ZNF668: variants seen among roughly 807,000 people sequenced by gnomAD.
ZNF668 encodes zinc finger protein 668.
In ZNF668, 10 loss-of-function variants were observed where a neutral mutation model predicts 40.3. The ratio of observed to expected loss-of-function variants is 0.25; its 90% CI spans 0.15 to 0.42. The LOEUF (loss-of-function observed/expected upper bound fraction) is 0.42, where lower values mean the gene tolerates loss of function less well. ZNF668 is among the 10% of genes least tolerant of loss of function. The pLI, the probability that ZNF668 is intolerant of heterozygous loss-of-function variation, is 1.00. For missense variants in ZNF668, 749 were observed against 904.6 expected, an observed-to-expected ratio of 0.83 and a Z score of 2.21; for synonymous variants, 428 against 384.6, an observed-to-expected ratio of 1.11 and a Z score of -1.32.
At chr16:31,065,330 A>T (rs1477223465) in intron 1 of ZNF668, among the ~76,000 whole-genome samples, 1 of 152,218 alleles carries the variant, frequency 6.6e-6, no homozygotes, top group Non-Finnish European at 1.5e-5. Flanking sequence ...AGGAAACAGG[A>T]TTAATGGCTG....
intron 2 of ZNF668, 70 bp from the exon 3 acceptor site, chr16:31,062,350 T>C: frequency 2.0e-6 from 3 of 1,515,408 alleles, no homozygotes; most frequent in Non-Finnish European, 2.6e-6. Context: ...CTGTCTGGGC[T>C]GTACTTTAGG....
chr16:31,061,824 C>T lies in ZNF668; in HGVS notation c.1104G>A (p.Glu368=), dbSNP rs928252058. The change falls in exon 3 of 3, where the codon GAG becomes GAA. Residue 368 remains glutamate, a synonymous_variant. Transcript: ENST00000300849. This position sits in a 1 kb window ranked among gnomAD's most constrained non-coding sequence, Gnocchi z 7.7. ...HSGQRPFRCE[E]CGRAFAERAS... The stretch of plus-strand genomic sequence containing the variant: ...CACGCTCGGCGAAGGCTCGCCCGCA[C>T]TCCTCACAGCGGAAGGGCCGCTGGC... The T allele has an allele frequency of 6.2e-7, 1 of 1,612,764 alleles. No individual in the cohort carries two copies. The highest frequency in any genetic ancestry group is 8.5e-7 in the Non-Finnish European group (1 of 1,179,778).
At chr16:31,069,972 C>T (rs1035270937) in intron 1 of ZNF668, among the ~76,000 whole-genome samples, 26 of 152,112 alleles carry the variant, frequency 1.7e-4, no homozygotes, top group African/African-American at 6.3e-4. Flanking sequence ...GACAGGGTCT[C>T]ACTGTGTTAG....
intron 1 of ZNF668, among the ~76,000 whole-genome samples, chr16:31,069,523 T>TAA (rs1408218509): frequency 6.6e-6 from 1 of 152,104 alleles, no homozygotes; most frequent in Admixed American, 6.6e-5. Context: ...CAAAAAGAGC[T>TAA]TTCTTGACCA....
chr16:31,062,648 C>T (rs565511117), intron 2 of ZNF668: 8 of 175,364 alleles, frequency 4.6e-5, no homozygotes, highest in Admixed American at 5.8e-5. Flanking sequence ...CATGTAGTCC[C>T]AGCTACTCGG....
At chr16:31,070,294 G>A (rs978905955) in intron 1 of ZNF668, among the ~76,000 whole-genome samples, 25 of 150,976 alleles carry the variant, frequency 1.7e-4, no homozygotes, top group Admixed American at 1.7e-3. Context: ...TGCAACCTCC[G>A]CCTCCCGGGT....
chr16:31,066,375 G>A, intron 1 of ZNF668: 1 of 985,266 alleles, frequency 1.0e-6, no homozygotes, highest in Non-Finnish European at 1.2e-6. Flanking sequence ...ATTCTCACTT[G>A]GTTATTTCAC....
At chr16:31,072,775 C>A (rs970842309) in intron 1 of ZNF668, 1 of 152,418 alleles carries the variant, frequency 6.6e-6, no homozygotes. Context: ...GAGTCCTCCT[C>A]CCGGCAGCGA....
intron 2 of ZNF668, 74 bp from the exon 3 acceptor site, chr16:31,062,354 C>T (rs2056938186): frequency 6.6e-6 from 10 of 1,504,622 alleles, no homozygotes; most frequent in Non-Finnish European, 8.8e-6. Context: ...CTGGGCTGTA[C>T]TTTAGGGGCT....
At chr16:31,068,237 A>ATATATATATAT (rs1157096591) in intron 1 of ZNF668, among the ~76,000 whole-genome samples, 1 of 80,308 alleles carries the variant, frequency 1.2e-5, no homozygotes, top group African/African-American at 6.5e-5. Context: ...AAAAAAAAAA[A>ATATATATATAT]AAATATATAT....
rs748606241 is a variant in ZNF668 at position 31,062,241 on chromosome 16, G to A, written c.687C>T (p.Cys229=). 5.0e-6 allele frequency: 8 copies of A among 1,610,358 alleles called. No homozygotes were observed. Among genetic ancestry groups the A allele is most frequent in the South Asian group, 1.1e-5 (1 of 90,754 alleles). ...TGERPFLCSE[C]GKSFSRSSSL... is the part of the protein sequence containing the mutation. ...AGGATGAGCGGGAGAAGCTCTTCCC[G>A]CACTCGGAGCAGAGGAAGGGGCGCT... is the stretch of plus-strand genomic sequence containing the variant. The change falls in exon 3 of 3, where the codon TGC becomes TGT. Residue 229 remains cysteine (C), a synonymous_variant. Transcript: ENST00000300849.
Position 31,063,849 on chromosome 16 carries a change from G to A in ZNF668, c.611C>T (p.Ala204Val), listed in dbSNP as rs2143763167. 1.3e-6 allele frequency: 2 copies of A among 1,592,468 alleles called. No individual in the cohort carries two copies. Among genetic ancestry groups the A allele is most frequent in the East Asian group, 2.3e-5 (1 of 43,674 alleles). Residue 204 changes from alanine to valine, a missense_variant, in exon 2 of 3, where the codon GCC becomes GTC. By Grantham distance (64) the Ala-to-Val change is moderately conservative (BLOSUM62 0). This residue lies in a region of ZNF668 where 151 missense variants were observed against 178.6 expected (regional missense o/e 0.85). Transcript: ENST00000300849. Reference sequence around the variant, plus strand: ...GCGGAGGTCCTTGAGCTCCGCATAGGCTTTGCCGCAACGCTCACAGCTGTA... The same window carrying A: ...GCGGAGGTCCTTGAGCTCCGCATAGACTTTGCCGCAACGCTCACAGCTGTA... ...RPYSCERCGKAYAELKDLRNH... is the reference protein window; with the variant it reads ...RPYSCERCGKVYAELKDLRNH...
chr16:31,065,982 G>C lies in ZNF668; in HGVS notation c.-22-1501C>G, dbSNP rs2056979133. 10 of 978,924 alleles carry C rather than the reference G, an allele frequency of 1.0e-5. No individual in the cohort carries two copies. In the South Asian group the frequency reaches 4.7e-4, roughly 46 times the overall value. The allele number at this position is 978,924 out of a possible 1,614,324, so 60.6% of individuals were successfully genotyped here. On this transcript the variant is annotated intron_variant, in intron 1 of 2. Coordinates refer to ENST00000300849, the MANE Select transcript of ZNF668 (RefSeq NM_024706.5). ...CCACGAGGGTGCTAGGGGAAATACA[G>C]AGACTCAGGGCCCCTTATGCCAGGA...
In ZNF668 at chr16:31,062,110, G is replaced by C; in HGVS notation, c.818C>G (p.Thr273Arg). ...CAGGAAGGGCTTCTCCCCCGAGTGC[G>C]TGCGCTCGTGGCTCTGGTAGGAACT... Reference protein sequence around the residue: ...QLSSYQSHERTHSGEKPFLCP... With the variant: ...QLSSYQSHERRHSGEKPFLCP... Residue 273 changes from threonine (T) to arginine (R), a missense_variant, in exon 3 of 3, where the codon ACG (threonine) becomes AGG (arginine). Thr to Arg is a moderately conservative substitution (Grantham distance 71, BLOSUM62 -1). This residue lies in a region of ZNF668 where 129 missense variants were observed against 231.2 expected (regional missense o/e 0.56). Coordinates refer to ENST00000300849, the MANE Select transcript of ZNF668 (RefSeq NM_024706.5). The C allele has an allele frequency of 6.2e-7, 1 of 1,613,796 alleles. No individual in the cohort carries two copies. Among genetic ancestry groups the C allele is most frequent in the Non-Finnish European group, 8.5e-7 (1 of 1,179,828 alleles).
At chr16:31,068,022 G>GCCCTT (rs1271992153) in intron 1 of ZNF668, among the ~76,000 whole-genome samples, 1 of 151,472 alleles carries the variant, frequency 6.6e-6, no homozygotes, top group African/African-American at 2.4e-5. Flanking sequence ...CTGAGCTCTG[G>GCCCTT]CCCTTCTACT....
intron 2 of ZNF668, among the ~76,000 whole-genome samples, 194 bp downstream of exon 2, chr16:31,063,619 C>T (rs2056953517): frequency 6.6e-6 from 1 of 152,206 alleles, no homozygotes; most frequent in Non-Finnish European, 1.5e-5. Context: ...CAGAGATCAA[C>T]CTCAAGGTGG....
At chr16:31,069,268 T>TACACACACAAAC (rs2056998803) in intron 1 of ZNF668, 1 of 141,690 alleles carries the variant, frequency 7.1e-6, no homozygotes, top group South Asian at 2.5e-4. Flanking sequence ...CTACTAAAAA[T>TACACACACAAAC]ACACACACAC....
At chr16:31,067,399 TGGTTCAG>T (rs1278033747) in intron 1 of ZNF668, among the ~76,000 whole-genome samples, 1 of 152,044 alleles carries the variant, frequency 6.6e-6, no homozygotes, top group Non-Finnish European at 1.5e-5. Flanking sequence ...TCCAGAGAAA[TGGTTCAG>T]TATTTTGTTA....
chr16:31,063,147 T>G (rs1328786767), intron 2 of ZNF668, among the ~76,000 whole-genome samples: 1 of 152,102 alleles, frequency 6.6e-6, no homozygotes, highest in African/African-American at 2.4e-5. Context: ...CCAAGATACG[T>G]GTCCTCCGCC....
Sources: allele counts gnomAD v4.1 joint callset (sites outside exome capture counted in the v4.1 genomes callset), GRCh38; gene constraint gnomAD v4.1.1; regional missense constraint gnomAD v4.1.1; non-coding constraint Gnocchi (gnomAD v3.1); transcripts MANE v1.5; gene names NCBI Gene and HGNC (gene_info 2026-07-23, HGNC 2026-07-21).